PACRG: variants seen among roughly 807,000 people sequenced by gnomAD.
PACRG encodes the protein parkin coregulated, also known as parkin coregulated gene protein.
A neutral mutation model predicts 29.7 loss-of-function variants in PACRG; 29 were observed. That is an observed-to-expected ratio of 0.98 (90% CI 0.73 to 1.33). PACRG has a LOEUF of 1.33. PACRG is among the 40% of genes most tolerant of loss of function. The pLI, the probability that PACRG is intolerant of heterozygous loss-of-function variation, is 0.00. For missense variants in PACRG, 279 were observed against 316.2 expected, an observed-to-expected ratio of 0.88 and a Z score of 0.89; for synonymous variants, 116 against 118.7, an observed-to-expected ratio of 0.98 and a Z score of 0.15.
intron 2 of PACRG, among the ~76,000 whole-genome samples, chr6:163,049,688 C>A (rs542622609): frequency 1.3e-5 from 2 of 152,112 alleles, no homozygotes; most frequent in Admixed American, 6.5e-5. Flanking sequence ...TCAAAAATAG[C>A]TTTAAAAGGT....
intron 4 of PACRG, among the ~76,000 whole-genome samples, chr6:163,262,356 C>A (rs1783358376): frequency 6.6e-6 from 1 of 152,190 alleles, no homozygotes; most frequent in South Asian, 2.1e-4. Context: ...TCTCTGCCTA[C>A]CTCATCGGGT....
chr6:163,298,472 C>T (rs892188512), intron 4 of PACRG, among the ~76,000 whole-genome samples: 13 of 152,196 alleles, frequency 8.5e-5, no homozygotes, highest in Non-Finnish European at 1.6e-4. Flanking sequence ...TCTGAACAAT[C>T]AATGTGGCAG....
At chr6:162,867,868 A>G (rs2128449630) in intron 2 of PACRG, among the ~76,000 whole-genome samples, 1 of 151,940 alleles carries the variant, frequency 6.6e-6, no homozygotes, top group Middle Eastern at 3.4e-3. Context: ...CCAGGCCTGG[A>G]GCCAGGCCGA....
intron 2 of PACRG, among the ~76,000 whole-genome samples, chr6:162,907,761 G>A (rs997419534): frequency 1.3e-5 from 2 of 152,092 alleles, no homozygotes; most frequent in Non-Finnish European, 2.9e-5. Context: ...TACTATGGAA[G>A]CTATAAAACA....
chr6:163,270,772 G>A, intron 4 of PACRG, among the ~76,000 whole-genome samples: 1 of 152,206 alleles, frequency 6.6e-6, no homozygotes, highest in Non-Finnish European at 1.5e-5. Context: ...AAAATGAAAA[G>A]ATTCTGTCAA....
At chr6:163,143,452 C>G (rs934666302) in intron 4 of PACRG, among the ~76,000 whole-genome samples, 1 of 152,086 alleles carries the variant, frequency 6.6e-6, no homozygotes, top group Admixed American at 6.6e-5. Context: ...TATTATTATT[C>G]CTGTGATCCC....
At chr6:162,841,403 C>T in intron 2 of PACRG, among the ~76,000 whole-genome samples, 1 of 152,050 alleles carries the variant, frequency 6.6e-6, no homozygotes, top group East Asian at 1.9e-4. Context: ...GTAGTATTCT[C>T]TGATGGTAGT....
At chr6:163,092,158 CT>C (rs1368306238) in intron 4 of PACRG, among the ~76,000 whole-genome samples, 1 of 152,180 alleles carries the variant, frequency 6.6e-6, no homozygotes, top group East Asian at 1.9e-4. Flanking sequence ...AATGACCTGT[CT>C]GTCAGCATCC....
chr6:163,112,990 TG>T (rs1178885024), intron 4 of PACRG, among the ~76,000 whole-genome samples: 2 of 151,832 alleles, frequency 1.3e-5, no homozygotes, highest in Admixed American at 6.6e-5. Context: ...TAAAAGAACA[TG>T]GGGAGGAAGT....
chr6:163,203,092 A>C (rs1780772742), intron 4 of PACRG, among the ~76,000 whole-genome samples: 1 of 152,070 alleles, frequency 6.6e-6, no homozygotes, highest in Non-Finnish European at 1.5e-5. Context: ...ACCCACAATT[A>C]TCCTCACTCA....
intron 2 of PACRG, among the ~76,000 whole-genome samples, chr6:162,856,255 C>T (rs1378395169): frequency 6.6e-6 from 1 of 152,062 alleles, no homozygotes; most frequent in African/African-American, 2.4e-5. Flanking sequence ...GATAGGGTCT[C>T]ACTCTTTTGT....
At chr6:163,146,235 A>G (rs913852921) in intron 4 of PACRG, among the ~76,000 whole-genome samples, 1 of 152,166 alleles carries the variant, frequency 6.6e-6, no homozygotes, top group African/African-American at 2.4e-5. Context: ...TGGAATCCCA[A>G]GACTTGGCTT....
intron 4 of PACRG, among the ~76,000 whole-genome samples, chr6:163,252,118 G>A (rs551687057): frequency 1.3e-5 from 2 of 152,292 alleles, no homozygotes; most frequent in East Asian, 1.9e-4. Flanking sequence ...TCCCACGTGC[G>A]TTTCCTGCCT....
At chr6:162,935,649 A>G (rs1798182657) in intron 2 of PACRG, among the ~76,000 whole-genome samples, 1 of 151,818 alleles carries the variant, frequency 6.6e-6, no homozygotes, top group African/African-American at 2.4e-5. Context: ...TCTTAAGATC[A>G]TTATTTTGGA....
At chr6:163,010,939 C>A (rs891575783) in intron 2 of PACRG, among the ~76,000 whole-genome samples, 2 of 152,242 alleles carry the variant, frequency 1.3e-5, no homozygotes, top group African/African-American at 4.8e-5. Flanking sequence ...CGGGTCCGGG[C>A]TCCCTTAGGA....
rs1208557572 is a variant in PACRG, at chr6:162,806,224, T to TCAGTCTCCCAAGTATCTGGGATCACAG, written c.157-7922_157-7896dup. Reference sequence around the variant, plus strand: ...CCCGGGTTCAAGCGATTCTCCTGCCTCAGTCTCCCAAGTATCTGGGATCAC... The same window carrying TCAGTCTCCCAAGTATCTGGGATCACAG: ...CCCGGGTTCAAGCGATTCTCCTGCCTCAGTCTCCCAAGTATCTGGGATCACAGCAGTCTCCCAAGTATCTGGGATCAC... On this transcript the variant is annotated intron_variant, in intron 1 of 4. Transcript: ENST00000366888. Among the ~76,000 whole-genome samples the TCAGTCTCCCAAGTATCTGGGATCACAG allele has an allele frequency of 7.9e-5, 12 of 151,972 alleles. No homozygotes were observed. In the East Asian group the frequency reaches 1.4e-3, roughly 17 times the overall value.
intron 1 of PACRG, among the ~76,000 whole-genome samples, chr6:162,751,083 A>G (rs1209736109): frequency 6.6e-6 from 1 of 152,186 alleles, no homozygotes; most frequent in African/African-American, 2.4e-5. Context: ...CACTAGTCAA[A>G]GATGTTTCCA....
Position 162,993,297 on chromosome 6 carries a change from G to C in PACRG, c.292-68853G>C, listed in dbSNP as rs935022310. ...CTGAGTTCAATTCCTGGGTATCCTT[G>C]TTGACTTTCTGTCTCATTGATCTGT... On this transcript the variant is annotated intron_variant, in intron 2 of 4. Coordinates refer to ENST00000366888, the MANE Select transcript of PACRG (RefSeq NM_001080379.2). Among the ~76,000 whole-genome samples the C allele has an allele frequency of 2.1e-5, 3 of 139,856 alleles. No individual in the cohort carries two copies. In the East Asian group the frequency reaches 6.9e-4, roughly 32 times the overall value. The allele number at this position is 139,856 out of a possible 152,430, so 91.8% of individuals were successfully genotyped here.
intron 4 of PACRG, among the ~76,000 whole-genome samples, chr6:163,200,930 C>T (rs1479822198): frequency 2.6e-5 from 4 of 151,980 alleles, no homozygotes; most frequent in African/African-American, 4.8e-5. Flanking sequence ...GGCACTGGGC[C>T]GGATCAGGCC....
Sources: allele counts gnomAD v4.1 joint callset (sites outside exome capture counted in the v4.1 genomes callset), GRCh38; gene constraint gnomAD v4.1.1; transcripts MANE v1.5; gene names NCBI Gene and HGNC (gene_info 2026-07-23, HGNC 2026-07-21).